Variants in GUCY1A1 observed in about 807,000 individuals in gnomAD.
GUCY1A1 encodes guanylate cyclase 1 soluble subunit alpha 1.
A neutral mutation model predicts 64.5 loss-of-function variants in GUCY1A1; 48 were observed. The ratio of observed to expected loss-of-function variants is 0.74; its 90% CI spans 0.59 to 0.95. The LOEUF is 0.95. GUCY1A1 is among the 40% of genes least tolerant of loss of function. The pLI is 0.00. For missense variants in GUCY1A1, 804 were observed against 825.3 expected (o/e 0.97, Z 0.32); for synonymous variants, 308 against 303.4 (o/e 1.02, Z -0.16).
chr4:155,710,571 C>A lies in GUCY1A1; in HGVS notation c.406C>A (p.Leu136Ile). 6.2e-7 allele frequency: 1 copy of A among 1,608,390 alleles called. No individual in the cohort carries two copies. The highest frequency in any genetic ancestry group is 1.1e-5 in the South Asian group (1 of 90,228). The change falls in exon 6 of 10, where the codon CTT (leucine) becomes ATT (isoleucine). Residue 136 changes from leucine (L) to isoleucine (I), a missense_variant. Physicochemically the swap from Leu to Ile is conservative, Grantham distance 5. Coordinates refer to ENST00000506455, the MANE Select transcript of GUCY1A1 (RefSeq NM_001130682.3). ...GVPVEVIKES[L>I]GEEVFKICYE... is the part of the protein sequence containing the mutation. ...TCCAGTGGAGGTTATCAAAGAATCT[C>A]TTGGTGAAGAGGTTTTTAAAATATG...
intron 2 of GUCY1A1, among the ~76,000 whole-genome samples, chr4:155,687,539 C>T (rs1729157497): frequency 6.6e-6 from 1 of 152,128 alleles, no homozygotes. Context: ...ACACTACCAC[C>T]GAGTAGCATT....
At chr4:155,704,553 G>A (rs920284998) in intron 4 of GUCY1A1, among the ~76,000 whole-genome samples, 4 of 151,568 alleles carry the variant, frequency 2.6e-5, no homozygotes, top group East Asian at 1.9e-4. Context: ...TCAGGGTTCC[G>A]GGGGGTAGCA....
At chr4:155,728,585 C>A (rs1195842613) in intron 9 of GUCY1A1, among the ~76,000 whole-genome samples, 1 of 151,784 alleles carries the variant, frequency 6.6e-6, no homozygotes, top group Admixed American at 6.6e-5. Flanking sequence ...AGGCTATACC[C>A]AGTTTCAACT....
Position 155,697,070 on chromosome 4 carries a change from G to A in GUCY1A1, c.203G>A (p.Arg68Gln), listed in dbSNP as rs148621325. Residue 68 changes from arginine (R) to glutamine (Q), a missense_variant, in exon 3 of 10, where the codon CGA becomes CAA. Coordinates refer to ENST00000506455, the MANE Select transcript of GUCY1A1 (RefSeq NM_001130682.3). ...SLPQRKTSRS[R>Q]VYLHTLAESI... is the part of the protein sequence containing the mutation. ...CCTCAAAGAAAAACCAGTCGGAGCC[G>A]AGTCTATCTTCACACTTTGGCAGAG... The A allele has an allele frequency of 6.1e-5, 99 of 1,613,298 alleles. No homozygotes were observed. In the African/African-American group the frequency reaches 9.5e-4, roughly 15 times the overall value.
At chr4:155,712,191 C>T (rs976058377) in intron 6 of GUCY1A1, among the ~76,000 whole-genome samples, 3 of 152,098 alleles carry the variant, frequency 2.0e-5, no homozygotes, top group Non-Finnish European at 2.9e-5. Context: ...AGTGCAGTGG[C>T]GTGTTCTCAG....
chr4:155,693,664 C>CT (rs1325716439), intron 2 of GUCY1A1, among the ~76,000 whole-genome samples: 1 of 152,154 alleles, frequency 6.6e-6, no homozygotes, highest in East Asian at 1.9e-4. Flanking sequence ...TTTAATGAGA[C>CT]TAAACACTTA....
At chr4:155,697,274 A>C in intron 3 of GUCY1A1, 152 bp downstream of exon 3, 1 of 645,404 alleles carries the variant, frequency 1.5e-6, no homozygotes, top group Non-Finnish European at 2.7e-6. Context: ...TATTCTTTTA[A>C]AGCAATTGTG....
rs1248549695 is a variant in GUCY1A1, at chr4:155,688,019, C to T, written c.-112-8737C>T. Among the ~76,000 whole-genome samples, 3 of 151,678 alleles carry T rather than the reference C, an allele frequency of 2.0e-5. No homozygotes were observed. The South Asian group carries it at 6.2e-4, about 32-fold the overall frequency. On this transcript the variant is annotated intron_variant, in intron 2 of 9. Transcript: ENST00000506455. ...TGGGCGGATCATGAGGTCAGGAGAT[C>T]GAGACCATCCTGGCTGACACAGTGA...
intron 2 of GUCY1A1, among the ~76,000 whole-genome samples, chr4:155,692,381 C>T (rs79328176): frequency 0.013 from 1,986 of 152,286 alleles, 41 homozygotes; most frequent in African/African-American, 0.046. Flanking sequence ...CTCTCTTCCA[C>T]AATGGCTGAA....
In GUCY1A1 at chr4:155,713,181, A is replaced by G. The variant is rs1402842563; in HGVS notation, c.1170A>G (p.Leu390=). ...LFLGSPCVDR[L]EDFTGRGLYL... ...TGGGGTCACCCTGTGTGGACAGATT[A>G]GAAGATTTTACAGGACGAGGGCTCT... Residue 390 remains leucine (L), a synonymous_variant, in exon 7 of 10, where the codon TTA becomes TTG. Transcript: ENST00000506455. 1 of 1,613,874 alleles carries G rather than the reference A, an allele frequency of 6.2e-7. No individual in the cohort carries two copies. The highest frequency in any genetic ancestry group is 1.7e-5 in the Admixed American group (1 of 60,002).
At chr4:155,689,622 C>T (rs1051980077) in intron 2 of GUCY1A1, among the ~76,000 whole-genome samples, 8 of 152,086 alleles carry the variant, frequency 5.3e-5, no homozygotes, top group Admixed American at 1.3e-4. Context: ...GTTGAGTGTA[C>T]TGAATTTTGC....
intron 2 of GUCY1A1, among the ~76,000 whole-genome samples, chr4:155,684,864 T>C (rs1184584097): frequency 6.6e-6 from 1 of 152,198 alleles, no homozygotes; most frequent in Non-Finnish European, 1.5e-5. Context: ...TGCCTTCATT[T>C]TGGGAATATC....
At chr4:155,706,288 A>G (rs1054860639) in intron 4 of GUCY1A1, among the ~76,000 whole-genome samples, 1 of 152,180 alleles carries the variant, frequency 6.6e-6, no homozygotes, top group Non-Finnish European at 1.5e-5. Flanking sequence ...TGATATGTTA[A>G]GTGGTTCCTC....
intron 4 of GUCY1A1, among the ~76,000 whole-genome samples, chr4:155,706,217 A>C (rs1157351402): frequency 6.6e-6 from 1 of 152,150 alleles, no homozygotes; most frequent in East Asian, 1.9e-4. Flanking sequence ...ATACTTTTAA[A>C]TTTTCTTGAT....
chr4:155,726,865 C>G (rs186769937), intron 9 of GUCY1A1, among the ~76,000 whole-genome samples: 93 of 152,026 alleles, frequency 6.1e-4, no homozygotes, highest in Admixed American at 1.1e-3. Context: ...TCCAGGTCTA[C>G]TACATTAGTT....
rs1250068713 is a variant in GUCY1A1 at position 155,711,073 on chromosome 4, A to G, written c.908A>G (p.Asn303Ser). The G allele has an allele frequency of 1.7e-5, 27 of 1,613,902 alleles. No individual in the cohort carries two copies. The highest frequency in any genetic ancestry group is 2.3e-5 in the Non-Finnish European group (27 of 1,179,880). The change falls in exon 6 of 10, where the codon AAT becomes AGT. Residue 303 changes from asparagine to serine, a missense_variant. Coordinates refer to ENST00000506455, the MANE Select transcript of GUCY1A1 (RefSeq NM_001130682.3). ...DKDMTILQFG[N>S]GIRRLMNRRD... ...GATATGACAATTCTGCAATTTGGCA[A>G]TGGCATCAGAAGGCTGATGAACAGG...
chr4:155,693,556 G>T (rs982117693), intron 2 of GUCY1A1, among the ~76,000 whole-genome samples: 2 of 152,030 alleles, frequency 1.3e-5, no homozygotes, highest in African/African-American at 4.8e-5. Flanking sequence ...AGACAAACAG[G>T]TTTCCAAGGT....
Position 155,703,948 on chromosome 4 carries a change from T to A in GUCY1A1, c.272T>A (p.Val91Asp), listed in dbSNP as rs753726676. ...LIFPEFERLNVALQRTLAKHK... is the reference protein window; with the variant it reads ...LIFPEFERLNDALQRTLAKHK... Reference sequence around the variant, plus strand: ...AACTTTCAGTTTGAACGGCTGAATGTTGCACTTCAGAGAACATTGGCAAAG... The same window carrying A: ...AACTTTCAGTTTGAACGGCTGAATGATGCACTTCAGAGAACATTGGCAAAG... The change falls in exon 4 of 10, where the codon GTT becomes GAT. Residue 91 changes from valine (V) to aspartate (D), a missense_variant. Coordinates refer to ENST00000506455, the MANE Select transcript of GUCY1A1 (RefSeq NM_001130682.3). The A allele has an allele frequency of 1.2e-6, 2 of 1,606,916 alleles. No individual in the cohort carries two copies. The highest frequency in any genetic ancestry group is 3.4e-5 in the Admixed American group (2 of 58,800).
chr4:155,691,944 T>G (rs1243533259), intron 2 of GUCY1A1, among the ~76,000 whole-genome samples: 2 of 152,094 alleles, frequency 1.3e-5, no homozygotes, highest in African/African-American at 4.8e-5. Context: ...CTCCCTCCTT[T>G]CACCCTTTAC....
Sources: gnomAD v4.1 joint callset for allele counts (sites outside exome capture counted in the v4.1 genomes callset) on GRCh38, gnomAD v4.1.1 for gene constraint, MANE v1.5 for transcripts, NCBI Gene and HGNC (gene_info 2026-07-23, HGNC 2026-07-21) for gene names.